Variants in POU2F1 observed in about 807,000 individuals in gnomAD.
The protein encoded by POU2F1 is POU domain, class 2, transcription factor 1.
In POU2F1, 16 loss-of-function variants were observed where a neutral mutation model predicts 84.9. The ratio of observed to expected loss-of-function variants is 0.19; its 90% CI spans 0.13 to 0.29. The LOEUF is 0.29. POU2F1 is among the 10% of genes least tolerant of loss of function. The pLI is 1.00. For missense variants in POU2F1, 738 were observed against 942.6 expected, an observed-to-expected ratio of 0.78 and a Z score of 2.84; for synonymous variants, 368 against 368.3, an observed-to-expected ratio of 1.00 and a Z score of 0.01.
chr1:167,225,234 G>T (rs1028911380), intron 1 of POU2F1, among the ~76,000 whole-genome samples: 3 of 152,144 alleles, frequency 2.0e-5, no homozygotes, highest in African/African-American at 7.2e-5. Flanking sequence ...ATTTCTAAAG[G>T]ACTGTTCTGC....
intron 2 of POU2F1, among the ~76,000 whole-genome samples, chr1:167,357,894 C>A (rs1659074164): frequency 6.8e-6 from 1 of 146,906 alleles, no homozygotes; most frequent in Admixed American, 6.9e-5. Context: ...ACCTCCGCTT[C>A]CTGGGTTCAA....
At chr1:167,358,985 T>C (rs1005933075) in intron 2 of POU2F1, among the ~76,000 whole-genome samples, 5 of 151,972 alleles carry the variant, frequency 3.3e-5, no homozygotes, top group African/African-American at 4.8e-5. Context: ...AAGAACCAAG[T>C]TGGTGTTTCT....
At position 167,389,764 on chromosome 1, in the gene POU2F1, A is replaced by G. The variant is rs1474453492; in HGVS notation, c.987+3A>G. ...GAATCAAACTTGGATTCACTCAGGTAGGGTGAATTGGCCTTACATTGATTC... is the reference window on the plus strand; with the variant it reads ...GAATCAAACTTGGATTCACTCAGGTGGGGTGAATTGGCCTTACATTGATTC... On this transcript the variant is annotated splice_donor_region_variant and intron_variant, in intron 9 of 15. Coordinates refer to ENST00000367866, the MANE Select transcript of POU2F1 (RefSeq NM_002697.4). The G allele has an allele frequency of 1.9e-6, 3 of 1,612,180 alleles. No homozygotes were observed. Among genetic ancestry groups the G allele is most frequent in the Non-Finnish European group, 2.5e-6 (3 of 1,178,998 alleles).
At chr1:167,410,146 A>C (rs1233590606) in intron 13 of POU2F1, among the ~76,000 whole-genome samples, 1 of 152,232 alleles carries the variant, frequency 6.6e-6, no homozygotes, top group Non-Finnish European at 1.5e-5. Context: ...AGTGGCAATA[A>C]AAATAAATCA....
intron 1 of POU2F1, among the ~76,000 whole-genome samples, chr1:167,270,997 T>C (rs77666515): frequency 0.031 from 4,788 of 152,314 alleles, 126 homozygotes; most frequent in African/African-American, 0.076. Context: ...CTTGACATTT[T>C]TCAGGTTTGT....
At chr1:167,297,222 C>CT (rs1654343982) in intron 1 of POU2F1, among the ~76,000 whole-genome samples, 1 of 152,182 alleles carries the variant, frequency 6.6e-6, no homozygotes. Context: ...TCTGGTAACT[C>CT]TAACTTGTGA....
intron 2 of POU2F1, among the ~76,000 whole-genome samples, chr1:167,332,860 A>G (rs1557901294): frequency 1.3e-5 from 2 of 152,306 alleles, no homozygotes; most frequent in South Asian, 2.1e-4. Flanking sequence ...AATTTCCCCA[A>G]TCTTTTTGAG....
chr1:167,295,713 G>A (rs1654247899), intron 1 of POU2F1, among the ~76,000 whole-genome samples: 1 of 152,204 alleles, frequency 6.6e-6, no homozygotes. Flanking sequence ...AGGCTAAATT[G>A]TAATAAAAGA....
chr1:167,369,841 T>A (rs2101840747), intron 3 of POU2F1, among the ~76,000 whole-genome samples: 1 of 152,308 alleles, frequency 6.6e-6, no homozygotes, highest in East Asian at 1.9e-4. Context: ...ATTTTTAGAA[T>A]CTTAAGCATT....
At position 167,426,599 on chromosome 1, in the gene POU2F1, C is replaced by T. The variant is rs1225104193; in HGVS notation, c.*10789C>T. On this transcript the variant is annotated 3_prime_UTR_variant, in exon 16 of 16. Transcript: ENST00000367866. Reference sequence around the variant, plus strand: ...TTCTCTCTTTCAATATCTTAACTCACTTTTTTTTTCTTCCTTTTTTGTCTT... The same window carrying T: ...TTCTCTCTTTCAATATCTTAACTCATTTTTTTTTTCTTCCTTTTTTGTCTT... The T allele has an allele frequency of 6.6e-6, 1 of 151,690 alleles. No homozygotes were observed. 9.4% of individuals were successfully genotyped at this position (151,690 alleles called of 1,614,324 possible).
At chr1:167,298,780 C>A (rs2102558039) in intron 1 of POU2F1, among the ~76,000 whole-genome samples, 1 of 152,236 alleles carries the variant, frequency 6.6e-6, no homozygotes, top group African/African-American at 2.4e-5. Flanking sequence ...GTTCAGTTTA[C>A]CCAGTGGCTT....
intron 1 of POU2F1, among the ~76,000 whole-genome samples, chr1:167,237,284 T>C (rs1266760543): frequency 1.3e-5 from 2 of 152,200 alleles, no homozygotes; most frequent in African/African-American, 2.4e-5. Flanking sequence ...ACCTAGACTT[T>C]CTGCTGGGTT....
In POU2F1 at chr1:167,383,916, C is replaced by T; in HGVS notation, c.778C>T (p.Leu260=). 2 of 1,613,782 alleles carry T rather than the reference C, an allele frequency of 1.2e-6. No homozygotes were observed. Among genetic ancestry groups the T allele is most frequent in the Non-Finnish European group, 8.5e-7 (1 of 1,179,812 alleles). ...QLPQQSQANL[L]QSQPSITLTS... ...ACCTCAGCAAAGCCAAGCCAACCTCCTACAGTCGCAGCCAAGCATCACCCT... is the reference window on the plus strand; with the variant it reads ...ACCTCAGCAAAGCCAAGCCAACCTCTTACAGTCGCAGCCAAGCATCACCCT... Residue 260 remains leucine (L), a synonymous_variant, in exon 8 of 16, where the codon CTA becomes TTA. Transcript: ENST00000367866.
chr1:167,229,993 C>G (rs1648938384), intron 1 of POU2F1, among the ~76,000 whole-genome samples: 1 of 152,172 alleles, frequency 6.6e-6, no homozygotes. Flanking sequence ...CAAGGAAGTT[C>G]CCTTATTGTC....
intron 2 of POU2F1, among the ~76,000 whole-genome samples, chr1:167,349,289 G>C (rs577745491): frequency 7.9e-5 from 12 of 151,700 alleles, no homozygotes; most frequent in Non-Finnish European, 1.5e-4. Context: ...TAATGTTCTT[G>C]TCAGTAGCCT....
rs149349342 is a variant in POU2F1 at position 167,305,985 on chromosome 1, A to G, written c.62-26485A>G. Among the ~76,000 whole-genome samples, 622 of 152,334 alleles carry G rather than the reference A, an allele frequency of 4.1e-3. 2 individuals are homozygous for G. Among genetic ancestry groups the G allele is most frequent in the Middle Eastern group, 0.014 (4 of 294 alleles). On this transcript the variant is annotated intron_variant, in intron 1 of 15. Transcript: ENST00000367866. ...AGTATACATAGAAATGTAGAAGTAT[A>G]GGAAGTAGGGCAAAGAGAAGAAAAG...
chr1:167,308,595 A>T (rs749828815), intron 1 of POU2F1, among the ~76,000 whole-genome samples: 7 of 152,062 alleles, frequency 4.6e-5, no homozygotes, highest in Non-Finnish European at 8.8e-5. Context: ...GCATAATCAT[A>T]GCTCACTGAA....
chr1:167,316,371 A>G (rs771397130), intron 1 of POU2F1, among the ~76,000 whole-genome samples: 1 of 152,252 alleles, frequency 6.6e-6, no homozygotes, highest in African/African-American at 2.4e-5. Context: ...GAGGGATATC[A>G]TAGTTGCTAT....
intron 1 of POU2F1, among the ~76,000 whole-genome samples, chr1:167,238,149 T>TA (rs1447785055): frequency 6.6e-6 from 1 of 152,062 alleles, no homozygotes; most frequent in South Asian, 2.1e-4. Flanking sequence ...TCCCTTAAAT[T>TA]AAAAAATTTT....
Sources: allele counts gnomAD v4.1 joint callset (sites outside exome capture counted in the v4.1 genomes callset), GRCh38; gene constraint gnomAD v4.1.1; transcripts MANE v1.5; gene names NCBI Gene and HGNC (gene_info 2026-07-23, HGNC 2026-07-21).